FLI1: variants seen among roughly 807,000 people sequenced by gnomAD.
FLI1 encodes the protein Fli-1 proto-oncogene, ETS transcription factor, also known as Friend leukemia integration 1 transcription factor.
In FLI1, 13 loss-of-function variants were observed where a neutral mutation model predicts 53.1. That is an observed-to-expected ratio of 0.24 (90% CI 0.16 to 0.39). FLI1 has a LOEUF of 0.39. Among genes scored for constraint, FLI1 ranks in the 10% least tolerant of loss-of-function variants. The pLI is 1.00. For missense variants in FLI1, 424 were observed against 600.5 expected (o/e 0.71, Z 3.07); for synonymous variants, 244 against 236.7 (o/e 1.03, Z -0.28).
chr11:128,773,243 T>C (rs1591800987), intron 4 of FLI1, among the ~76,000 whole-genome samples: 1 of 152,168 alleles, frequency 6.6e-6, no homozygotes, highest in Non-Finnish European at 1.5e-5. Flanking sequence ...CAGAGGCTGG[T>C]TACACTCTTC....
At chr11:128,728,773 C>T (rs1489755086) in intron 1 of FLI1, among the ~76,000 whole-genome samples, 1 of 152,224 alleles carries the variant, frequency 6.6e-6, no homozygotes, top group Non-Finnish European at 1.5e-5. Flanking sequence ...CCAGCTGTAC[C>T]TGAGTATCAG....
chr11:128,805,390 G>T lies in FLI1; in HGVS notation c.680G>T (p.Arg227Ile). ...GACCCTTCTTATGACTCAGTCAGAAGAGGAGCTTGGGGCAATAACATGAAT... is the reference window on the plus strand; with the variant it reads ...GACCCTTCTTATGACTCAGTCAGAATAGGAGCTTGGGGCAATAACATGAAT... ...KEDPSYDSVR[R>I]GAWGNNMNSG... Residue 227 changes from arginine to isoleucine, a missense_variant, in exon 6 of 9, where the codon AGA becomes ATA. This residue lies in a region of FLI1 where 114 missense variants were observed against 117.9 expected (regional missense o/e 0.97). Coordinates refer to ENST00000527786, the MANE Select transcript of FLI1 (RefSeq NM_002017.5). The T allele has an allele frequency of 6.3e-7, 1 of 1,590,602 alleles. No homozygotes were observed. The highest frequency in any genetic ancestry group is 1.8e-5 in the Admixed American group (1 of 57,068).
chr11:128,801,771 C>A (rs1355975948), intron 5 of FLI1, among the ~76,000 whole-genome samples: 1 of 152,224 alleles, frequency 6.6e-6, no homozygotes, highest in Admixed American at 6.5e-5. Flanking sequence ...ATTCATTCAA[C>A]AAATACTTAG....
chr11:128,709,531 C>A (rs1938697229), intron 1 of FLI1, among the ~76,000 whole-genome samples: 1 of 152,174 alleles, frequency 6.6e-6, no homozygotes, highest in African/African-American at 2.4e-5. Flanking sequence ...TCCCACGTAT[C>A]CGGCCATTGT....
chr11:128,737,230 C>A (rs189642614), intron 1 of FLI1, among the ~76,000 whole-genome samples: 255 of 152,264 alleles, frequency 1.7e-3, no homozygotes, highest in African/African-American at 5.8e-3. Flanking sequence ...CTCATCCACT[C>A]CCTCATCTGT....
chr11:128,779,264 C>A (rs975941363), intron 4 of FLI1, among the ~76,000 whole-genome samples: 3 of 152,210 alleles, frequency 2.0e-5, no homozygotes, highest in Non-Finnish European at 4.4e-5. Flanking sequence ...CGGAGACCAT[C>A]ATTTTTCTTT....
chr11:128,726,641 T>C (rs1237799907), intron 1 of FLI1, among the ~76,000 whole-genome samples: 2 of 151,408 alleles, frequency 1.3e-5, no homozygotes, highest in Non-Finnish European at 2.9e-5. Flanking sequence ...TGCCCTCTTT[T>C]GTATAGGAAA....
chr11:128,791,795 A>AAG (rs1359992529), intron 5 of FLI1, among the ~76,000 whole-genome samples: 3 of 152,180 alleles, frequency 2.0e-5, no homozygotes, highest in Non-Finnish European at 2.9e-5. Flanking sequence ...AAAACTGATA[A>AAG]AGAGCAGATT....
Position 128,812,535 on chromosome 11 carries a change from A to G in FLI1, c.*1547A>G, listed in dbSNP as rs1942959672. On this transcript the variant is annotated 3_prime_UTR_variant, in exon 9 of 9. Coordinates refer to ENST00000527786, the MANE Select transcript of FLI1 (RefSeq NM_002017.5). ...TTTTCGAATGTACCTACTGCAGTAC[A>G]GCAGAAGGTAAAAAATCAGTGTGGT... is the stretch of plus-strand genomic sequence containing the variant. 1 of 224,810 alleles carries G rather than the reference A, an allele frequency of 4.4e-6. No individual in the cohort carries two copies. The highest frequency in any genetic ancestry group is 8.9e-6 in the Non-Finnish European group (1 of 112,756). The allele number at this position is 224,810 out of a possible 1,614,324, so 13.9% of individuals were successfully genotyped here.
chr11:128,704,278 G>A (rs500090), intron 1 of FLI1, among the ~76,000 whole-genome samples: 75,004 of 151,766 alleles, frequency 0.49, 18,785 homozygotes, highest in African/African-American at 0.58. Flanking sequence ...GCTACATTTT[G>A]TACTGTGGAG....
intron 1 of FLI1, among the ~76,000 whole-genome samples, chr11:128,754,657 T>A (rs1940793422): frequency 1.3e-5 from 2 of 152,220 alleles, no homozygotes; most frequent in Admixed American, 1.3e-4. Context: ...GGGAGCTCTC[T>A]GAGGTTTTTG....
intron 1 of FLI1, among the ~76,000 whole-genome samples, chr11:128,728,241 T>C (rs1029995121): frequency 5.3e-5 from 8 of 152,236 alleles, no homozygotes; most frequent in African/African-American, 1.9e-4. Flanking sequence ...GCCTAGGCAG[T>C]GCACTTCCGG....
intron 1 of FLI1, among the ~76,000 whole-genome samples, chr11:128,738,283 C>T (rs1396178594): frequency 1.3e-5 from 2 of 152,218 alleles, no homozygotes; most frequent in African/African-American, 2.4e-5. Context: ...CTACTCTACA[C>T]TCCATCTTCC....
At chr11:128,802,080 C>T (rs1942650706) in intron 5 of FLI1, among the ~76,000 whole-genome samples, 1 of 152,202 alleles carries the variant, frequency 6.6e-6, no homozygotes, top group East Asian at 1.9e-4. Flanking sequence ...TGATTGCTAA[C>T]ATCCACTGAG....
intron 4 of FLI1, among the ~76,000 whole-genome samples, chr11:128,777,350 A>C (rs1941766589): frequency 6.6e-6 from 1 of 151,010 alleles, no homozygotes; most frequent in South Asian, 2.1e-4. Flanking sequence ...GGAAAAAAAA[A>C]CACTAAGAAA....
intron 1 of FLI1, among the ~76,000 whole-genome samples, chr11:128,741,285 C>T (rs1217440503): frequency 2.0e-5 from 3 of 152,018 alleles, no homozygotes; most frequent in African/African-American, 4.8e-5. Context: ...CCCATCTACT[C>T]GGGAGGCTGA....
At chr11:128,799,539 C>A (rs939070373) in intron 5 of FLI1, among the ~76,000 whole-genome samples, 2 of 152,200 alleles carry the variant, frequency 1.3e-5, no homozygotes, top group Non-Finnish European at 2.9e-5. Flanking sequence ...CAAGGTCACT[C>A]CACAAGGCCA....
Position 128,766,964 on chromosome 11 carries a change from C to T in FLI1, c.231-1154C>T, listed in dbSNP as rs144567278. Among the ~76,000 whole-genome samples the T allele has an allele frequency of 9.9e-3, 1,506 of 152,168 alleles. 33 individuals carry two copies. The highest frequency in any genetic ancestry group is 0.034 in the African/African-American group (1,426 of 41,500). On this transcript the variant is annotated intron_variant, in intron 2 of 8. Coordinates refer to ENST00000527786, the MANE Select transcript of FLI1 (RefSeq NM_002017.5). The stretch of plus-strand genomic sequence containing the variant: ...GCGGCTACAGCTTCTCCTTGGCCTT[C>T]CCATCGTCTCCTTTGGTCCTGCTGC...
chr11:128,709,953 G>A (rs997287521), intron 1 of FLI1, among the ~76,000 whole-genome samples: 2 of 152,186 alleles, frequency 1.3e-5, no homozygotes. Context: ...CTACTAATAG[G>A]TTTAACTGAC....
Sources: allele counts gnomAD v4.1 joint callset (sites outside exome capture counted in the v4.1 genomes callset), GRCh38; gene constraint gnomAD v4.1.1; regional missense constraint gnomAD v4.1.1; transcripts MANE v1.5; gene names NCBI Gene and HGNC (gene_info 2026-07-23, HGNC 2026-07-21).